FAM83H: variants seen among roughly 807,000 people sequenced by gnomAD.
FAM83H encodes scaffolding CK1 anchoring protein H.
Under a neutral mutation model 30.2 loss-of-function variants are expected in FAM83H, and 24 were observed. That is an observed-to-expected ratio of 0.79 (90% CI 0.57 to 1.12). The LOEUF is 1.12. FAM83H is among the 50% of genes most tolerant of loss of function. The pLI, the probability that FAM83H is intolerant of heterozygous loss-of-function variation, is 0.00. For synonymous variants in FAM83H, 1,013 were observed against 821.7 expected, an observed-to-expected ratio of 1.23 and a Z score of -3.98; for missense variants, 2,038 against 1,773.9, an observed-to-expected ratio of 1.15 and a Z score of -2.67.
Position 143,726,664 on chromosome 8 carries a change from G to A in FAM83H, c.2797C>T (p.Arg933Cys). 1.3e-6 allele frequency: 2 copies of A among 1,595,028 alleles called. No homozygotes were observed. Among genetic ancestry groups the A allele is most frequent in the South Asian group, 1.1e-5 (1 of 90,164 alleles). Residue 933 changes from arginine (R) to cysteine (C), a missense_variant, in exon 5 of 5, where the codon CGC becomes TGC. By Grantham distance (180) the Arg-to-Cys change is radical. Transcript: ENST00000388913. ...RSSPVPPVPE[R>C]RGSLTLTISG... ...ATGGTAAGGGTGAGGCTGCCCCTGC[G>A]CTCCGGCACGGGGGGCACCGGACTG... is the stretch of plus-strand genomic sequence containing the variant.
Position 143,733,700 on chromosome 8 carries a change from T to G in FAM83H, c.-25A>C, listed in dbSNP as rs1306955314. 1 of 149,194 alleles carries G rather than the reference T, an allele frequency of 6.7e-6. No individual in the cohort carries two copies. The highest frequency in any genetic ancestry group is 2.5e-5 in the African/African-American group (1 of 40,722). The allele number at this position is 149,194 out of a possible 1,614,324, so 9.2% of individuals were successfully genotyped here. A position where few individuals can be genotyped will look rare whatever the true frequency, so the allele number is the denominator to read the frequency against. Reference sequence around the variant, plus strand: ...GGGAGGGGGGCCCTACCTGGCCAGGTGCGCGGGGTCTCGGCACAGGGGCAG... The same window carrying G: ...GGGAGGGGGGCCCTACCTGGCCAGGGGCGCGGGGTCTCGGCACAGGGGCAG... On this transcript the variant is annotated 5_prime_UTR_variant, in exon 1 of 5. Coordinates refer to ENST00000388913, the MANE Select transcript of FAM83H (RefSeq NM_198488.5). This position sits in a 1 kb window ranked among gnomAD's most constrained non-coding sequence, Gnocchi z 5.6.
rs1163608253 is a variant in FAM83H, at chr8:143,727,374, G to A, written c.2087C>T (p.Ala696Val). ...CTCAGTGGCCGCCGCAGCCCCGGCC[G>A]CGCCCTCGGCCTGTGACGTGCTGAA... is the stretch of plus-strand genomic sequence containing the variant. The part of the protein sequence containing the change: ...LIFSTSQAEG[A>V]AGAAAATEKV... Residue 696 changes from alanine (A) to valine (V), a missense_variant, in exon 5 of 5, where the codon GCG becomes GTG. By Grantham distance (64) the Ala-to-Val change is moderately conservative. Coordinates refer to ENST00000388913, the MANE Select transcript of FAM83H (RefSeq NM_198488.5). 3 of 1,570,622 alleles carry A rather than the reference G, an allele frequency of 1.9e-6. No homozygotes were observed. The highest frequency in any genetic ancestry group is 1.3e-5 in the African/African-American group (1 of 74,444).
At chr8:143,731,250 G>A in intron 1 of FAM83H, 2 of 770,954 alleles carry the variant, frequency 2.6e-6, no homozygotes, top group Middle Eastern at 6.7e-4. Flanking sequence ...TACTGGACAA[G>A]CTGGTGCCGC....
Position 143,724,351 on chromosome 8 carries a change from T to C in FAM83H, c.*1570A>G, listed in dbSNP as rs1205078493. On this transcript the variant is annotated 3_prime_UTR_variant, in exon 5 of 5. Coordinates refer to ENST00000388913, the MANE Select transcript of FAM83H (RefSeq NM_198488.5). ...AAATCAGTTCCCTCTTAGGATTTAT[T>C]ACACTAAAAAAAAAATTAGTTTTTG... The C allele has an allele frequency of 6.6e-6, 1 of 152,102 alleles. No homozygotes were observed. Among genetic ancestry groups the C allele is most frequent in the African/African-American group, 2.4e-5 (1 of 41,398 alleles). The allele number at this position is 152,102 out of a possible 1,614,324, so 9.4% of individuals were successfully genotyped here.
rs782785221 is a variant in FAM83H at position 143,730,618 on chromosome 8, A to G, written c.-15-21T>C. 4.7e-6 allele frequency: 7 copies of G among 1,490,050 alleles called. No homozygotes were observed. The East Asian group carries it at 1.6e-4, about 34-fold the overall frequency. The allele number at this position is 1,490,050 out of a possible 1,614,324, so 92.3% of individuals were successfully genotyped here. The stretch of plus-strand genomic sequence containing the variant: ...GGGGCCTGGAGGGGCAGGGAGACAC[A>G]TGACTAGGGGTGGGGGCACTGGGAC... On this transcript the variant is annotated intron_variant, in intron 1 of 4. Transcript: ENST00000388913.
rs781869919 is a variant in FAM83H, at chr8:143,729,264, C to G, written c.507G>C (p.Glu169Asp). The G allele has an allele frequency of 6.2e-7, 1 of 1,613,414 alleles. No individual in the cohort carries two copies. Among genetic ancestry groups the G allele is most frequent in the South Asian group, 1.1e-5 (1 of 91,084 alleles). Residue 169 changes from glutamate to aspartate, a missense_variant, in exon 3 of 5, where the codon GAG becomes GAC. Physicochemically the swap from Glu to Asp is conservative, Grantham distance 45. Transcript: ENST00000388913. ...AGACTGGGACCCGACGGGCCGCGGC[C>G]TCCAGCACTTCGCTGAGCAGGTCCA... ...TDVDLLSEVL[E>D]AAARRVPVYI...
At position 143,727,897 on chromosome 8, in the gene FAM83H, C is replaced by G; in HGVS notation, c.1564G>C (p.Gly522Arg). 6.9e-7 allele frequency: 1 copy of G among 1,444,742 alleles called. No homozygotes were observed. The highest frequency in any genetic ancestry group is 1.4e-5 in the South Asian group (1 of 70,668). 89.5% of individuals were successfully genotyped at this position (1,444,742 alleles called of 1,614,324 possible). ...CCGGGCGCGAAGGCGGGGTCCGAGC[C>G]GTGGCGCACCTCGCGGGACGCGCTG... ...PSSASREVRH[G>R]SDPAFAPGPR... Residue 522 changes from glycine to arginine, a missense_variant, in exon 5 of 5, where the codon GGC becomes CGC. Coordinates refer to ENST00000388913, the MANE Select transcript of FAM83H (RefSeq NM_198488.5).
In FAM83H at chr8:143,728,042, G is replaced by T. The variant is rs782089115; in HGVS notation, c.1419C>A (p.Phe473Leu). 1.9e-6 allele frequency: 3 copies of T among 1,608,558 alleles called. No individual in the cohort carries two copies. The highest frequency in any genetic ancestry group is 8.5e-7 in the Non-Finnish European group (1 of 1,179,200). ...QLTPARPQGLFEKLRGGRAGF... is the reference protein window; with the variant it reads ...QLTPARPQGLLEKLRGGRAGF... ...CCGCGCGGCCCCCGCGAAGCTTCTC[G>T]AACAGGCCTTGCGGGCGCGCCGGCG... is the stretch of plus-strand genomic sequence containing the variant. The change falls in exon 5 of 5, where the codon TTC becomes TTA. Residue 473 changes from phenylalanine to leucine, a missense_variant. By Grantham distance (22) the Phe-to-Leu change is conservative. Transcript: ENST00000388913.
Position 143,726,821 on chromosome 8 carries a change from C to T in FAM83H, c.2640G>A (p.Gly880=). 6.2e-7 allele frequency: 1 copy of T among 1,612,926 alleles called. No individual in the cohort carries two copies. The highest frequency in any genetic ancestry group is 8.5e-7 in the Non-Finnish European group (1 of 1,179,910). Residue 880 remains glycine (G), a synonymous_variant, in exon 5 of 5, where the codon GGG becomes GGA. Transcript: ENST00000388913. ...SPTSAYPERK[G]SPTPGFSTRR... ...GAGTGGAAAACCCAGGCGTGGGGCT[C>T]CCCTTCCGCTCAGGGTAAGCCGAGG...
At chr8:143,728,853 C>T in intron 4 of FAM83H, 114 bp downstream of exon 4, 1 of 1,598,108 alleles carries the variant, frequency 6.3e-7, no homozygotes. Flanking sequence ...CTAGGCTGTG[C>T]AGGGGTCTAC....
rs1818196417 is a variant in FAM83H at position 143,724,047 on chromosome 8, C to T, written c.*1874G>A. 1 of 152,270 alleles carries T rather than the reference C, an allele frequency of 6.6e-6. No homozygotes were observed. The highest frequency in any genetic ancestry group is 2.1e-4 in the South Asian group (1 of 4,834). 9.4% of individuals were successfully genotyped at this position (152,270 alleles called of 1,614,324 possible). On this transcript the variant is annotated 3_prime_UTR_variant, in exon 5 of 5. Transcript: ENST00000388913. Reference sequence around the variant, plus strand: ...CCAGGCAGGGCCGCCAGCCTCTGGCCTCTCCATGGACTCCAGCTGGAGAGC... The same window carrying T: ...CCAGGCAGGGCCGCCAGCCTCTGGCTTCTCCATGGACTCCAGCTGGAGAGC...
rs782626052 is a variant in FAM83H at position 143,725,806 on chromosome 8, C to T, written c.*115G>A. 183 of 1,528,690 alleles carry T rather than the reference C, an allele frequency of 1.2e-4. No homozygotes were observed. The highest frequency in any genetic ancestry group is 2.2e-4 in the Middle Eastern group (1 of 4,638). The allele number at this position is 1,528,690 out of a possible 1,614,324, so 94.7% of individuals were successfully genotyped here. A position where few individuals can be genotyped will look rare whatever the true frequency, so the allele number is the denominator to read the frequency against. On this transcript the variant is annotated 3_prime_UTR_variant, in exon 5 of 5. Coordinates refer to ENST00000388913, the MANE Select transcript of FAM83H (RefSeq NM_198488.5). ...CGCACTCAGCCAAGCCCCAAGCGGCCGTGGCCTGACAGCCGCTGCTCAAGC... is the reference window on the plus strand; with the variant it reads ...CGCACTCAGCCAAGCCCCAAGCGGCTGTGGCCTGACAGCCGCTGCTCAAGC...
intron 2 of FAM83H, among the ~76,000 whole-genome samples, chr8:143,729,525 A>G (rs73371197): frequency 0.05 from 7,563 of 152,222 alleles, 644 homozygotes; most frequent in African/African-American, 0.17. Context: ...ACGGCTGGCC[A>G]TAAGGGGGAA....
In FAM83H at chr8:143,729,269, G is replaced by C. The variant is rs782504677; in HGVS notation, c.502C>G (p.Leu168Val). 1.9e-6 allele frequency: 3 copies of C among 1,613,416 alleles called. No individual in the cohort carries two copies. The South Asian group carries it at 3.3e-5, about 18-fold the overall frequency. Residue 168 changes from leucine to valine, a missense_variant, in exon 3 of 5, where the codon CTG becomes GTG. Physicochemically the swap from Leu to Val is conservative, Grantham distance 32. Coordinates refer to ENST00000388913, the MANE Select transcript of FAM83H (RefSeq NM_198488.5). ...GGGACCCGACGGGCCGCGGCCTCCAGCACTTCGCTGAGCAGGTCCACATCA... is the reference window on the plus strand; with the variant it reads ...GGGACCCGACGGGCCGCGGCCTCCACCACTTCGCTGAGCAGGTCCACATCA... The part of the protein sequence containing the change: ...FTDVDLLSEV[L>V]EAAARRVPVY...
In FAM83H at chr8:143,729,185, A is replaced by C; in HGVS notation, c.586T>G (p.Cys196Gly). Residue 196 changes from cysteine to glycine, a missense_variant, in exon 3 of 5, where the codon TGC becomes GGC. Cys to Gly is a radical substitution (Grantham distance 159, BLOSUM62 -3). Coordinates refer to ENST00000388913, the MANE Select transcript of FAM83H (RefSeq NM_198488.5). ...AQHFLDMADK[C>G]RVNLQHVDFL... ...TCCACGTGCTGCAGGTTGACACGGC[A>C]CTTGTCGGCCATGTCCAGGAAGTGC... 1 of 1,613,664 alleles carries C rather than the reference A, an allele frequency of 6.2e-7. No individual in the cohort carries two copies. Among genetic ancestry groups the C allele is most frequent in the Non-Finnish European group, 8.5e-7 (1 of 1,180,014 alleles).
Position 143,727,771 on chromosome 8 carries a change from C to T in FAM83H, c.1690G>A (p.Ala564Thr), listed in dbSNP as rs1225584527. The change falls in exon 5 of 5, where the codon GCG becomes ACG. Residue 564 changes from alanine (A) to threonine (T), a missense_variant. Transcript: ENST00000388913. The part of the protein sequence containing the change: ...ARPGPDPAPE[A>T]EPERRGGPEG... ...GGCCCGCCCCTGCGCTCCGGCTCCG[C>T]CTCGGGAGCGGGGTCTGGGCCCGGC... 6.9e-7 allele frequency: 1 copy of T among 1,458,994 alleles called. No homozygotes were observed. 90.4% of individuals were successfully genotyped at this position (1,458,994 alleles called of 1,614,324 possible).
rs1554621030 is a variant in FAM83H, at chr8:143,724,883, TGGA to T, written c.*1035_*1037del. The T allele has an allele frequency of 6.6e-6, 1 of 152,400 alleles. No homozygotes were observed. Among genetic ancestry groups the T allele is most frequent in the East Asian group, 1.9e-4 (1 of 5,202 alleles). 9.4% of individuals were successfully genotyped at this position (152,400 alleles called of 1,614,324 possible). Reference sequence around the variant, plus strand: ...CACCCAGTGCTGGCCAGAGCCTCGCTGGAGGAGATGGCAGACCTGGCCAAGGCG... The same window carrying T: ...CACCCAGTGCTGGCCAGAGCCTCGCTGGAGATGGCAGACCTGGCCAAGGCG... On this transcript the variant is annotated 3_prime_UTR_variant, in exon 5 of 5. Coordinates refer to ENST00000388913, the MANE Select transcript of FAM83H (RefSeq NM_198488.5).
chr8:143,731,335 C>T, intron 1 of FAM83H: 1 of 985,350 alleles, frequency 1.0e-6, no homozygotes, highest in Non-Finnish European at 1.2e-6. Context: ...TGGCCTACCT[C>T]TACTGCACAA....
chr8:143,725,772 G>C lies in FAM83H; in HGVS notation c.*149C>G. 2 of 1,383,248 alleles carry C rather than the reference G, an allele frequency of 1.4e-6. No individual in the cohort carries two copies. The highest frequency in any genetic ancestry group is 2.0e-6 in the Non-Finnish European group (2 of 1,024,208). The allele number at this position is 1,383,248 out of a possible 1,614,324, so 85.7% of individuals were successfully genotyped here. A position where few individuals can be genotyped will look rare whatever the true frequency, so the allele number is the denominator to read the frequency against. On this transcript the variant is annotated 3_prime_UTR_variant, in exon 5 of 5. Transcript: ENST00000388913. ...TGCCAGGTGAGCCTCCAGTGGAGCC[G>C]AGGTCTGGCGCACTCAGCCAAGCCC...
Sources: allele counts gnomAD v4.1 joint callset (sites outside exome capture counted in the v4.1 genomes callset), GRCh38; gene constraint gnomAD v4.1.1; non-coding constraint Gnocchi (gnomAD v3.1); transcripts MANE v1.5; gene names NCBI Gene and HGNC (gene_info 2026-07-23, HGNC 2026-07-21).